ENTHD1: variants seen among roughly 807,000 people sequenced by gnomAD.
ENTHD1 encodes the protein ENTH domain containing 1, also known as ENTH domain-containing protein 1.
ENTHD1 carries 23 observed loss-of-function variants against 39.1 expected under a neutral mutation model. That is an observed-to-expected ratio of 0.59 (90% CI 0.42 to 0.83). The LOEUF (loss-of-function observed/expected upper bound fraction) is 0.83, where lower values mean the gene tolerates loss of function less well. ENTHD1 is among the 40% of genes least tolerant of loss of function. The pLI, the probability that ENTHD1 is intolerant of heterozygous loss-of-function variation, is 0.00. For synonymous variants in ENTHD1, 230 were observed against 258.2 expected (o/e 0.89, Z 1.05); for missense variants, 624 against 705.4 (o/e 0.88, Z 1.31).
rs137943 is a variant in ENTHD1 at position 39,869,983 on chromosome 22, C to CTTTATTTATTTA, written c.350-7988_350-7977dup. On this transcript the variant is annotated intron_variant, in intron 2 of 6. Coordinates refer to ENST00000325157, the MANE Select transcript of ENTHD1 (RefSeq NM_152512.4). ...TAGATTTGGTAATTGGAGAACAGTA[C>CTTTATTTATTTA]TTTATTTATTTATTTATTTATTTAT... Among the ~76,000 whole-genome samples the CTTTATTTATTTA allele has an allele frequency of 7.3e-3, 1,034 of 140,690 alleles. 7 individuals are homozygous for CTTTATTTATTTA. Among genetic ancestry groups the CTTTATTTATTTA allele is most frequent in the Middle Eastern group, 0.018 (5 of 282 alleles). The allele number at this position is 140,690 out of a possible 152,430, so 92.3% of individuals were successfully genotyped here. A position where few individuals can be genotyped will look rare whatever the true frequency, so the allele number is the denominator to read the frequency against.
chr22:39,884,075 G>T (rs1026108298), intron 2 of ENTHD1, among the ~76,000 whole-genome samples: 1 of 152,052 alleles, frequency 6.6e-6, no homozygotes, highest in Non-Finnish European at 1.5e-5. Flanking sequence ...AAGACATCCT[G>T]TGTACAAAGA....
At chr22:39,775,581 C>T (rs2065359544) in intron 5 of ENTHD1, among the ~76,000 whole-genome samples, 1 of 152,188 alleles carries the variant, frequency 6.6e-6, no homozygotes, top group African/African-American at 2.4e-5. Context: ...GAATCAGCTG[C>T]ACCAGGTTTT....
intron 2 of ENTHD1, among the ~76,000 whole-genome samples, chr22:39,864,807 G>A (rs750172222): frequency 3.3e-5 from 5 of 152,118 alleles, no homozygotes; most frequent in Non-Finnish European, 5.9e-5. Context: ...GATGATAATC[G>A]CTTGAACCCA....
At chr22:39,756,881 A>G (rs1224900606) in intron 6 of ENTHD1, among the ~76,000 whole-genome samples, 1 of 152,216 alleles carries the variant, frequency 6.6e-6, no homozygotes, top group Non-Finnish European at 1.5e-5. Flanking sequence ...TGATTACTAT[A>G]GCTTTACCGT....
chr22:39,826,174 G>T (rs966501353), intron 4 of ENTHD1, among the ~76,000 whole-genome samples: 1 of 152,104 alleles, frequency 6.6e-6, no homozygotes, highest in African/African-American at 2.4e-5. Context: ...TGCCTGGCCC[G>T]TAAGTATAAA....
chr22:39,870,335 T>C (rs1049429393), intron 2 of ENTHD1, among the ~76,000 whole-genome samples: 2 of 151,862 alleles, frequency 1.3e-5, no homozygotes, highest in Admixed American at 6.6e-5. Context: ...TAAGGAATTC[T>C]CCCAAAATAC....
intron 2 of ENTHD1, among the ~76,000 whole-genome samples, chr22:39,882,439 A>G (rs1419109949): frequency 6.6e-6 from 1 of 152,200 alleles, no homozygotes; most frequent in Non-Finnish European, 1.5e-5. Context: ...ATAAGCACAG[A>G]AATGTCTAAG....
At chr22:39,816,591 C>T (rs982376495) in intron 5 of ENTHD1, among the ~76,000 whole-genome samples, 3 of 152,094 alleles carry the variant, frequency 2.0e-5, no homozygotes, top group African/African-American at 7.2e-5. Context: ...AGAAAAATGG[C>T]CTAGTCAATA....
chr22:39,762,771 G>T (rs985850989), intron 6 of ENTHD1, among the ~76,000 whole-genome samples: 11 of 152,076 alleles, frequency 7.2e-5, no homozygotes, highest in Non-Finnish European at 1.5e-4. Context: ...TTTTAAAATA[G>T]ATACTAGTAT....
chr22:39,862,031 T>C, intron 2 of ENTHD1, 24 bp from the exon 3 acceptor site: 1 of 1,434,198 alleles, frequency 7.0e-7, no homozygotes, highest in East Asian at 2.4e-5. Context: ...TGACTCTGCT[T>C]AGAAAAGGAA....
chr22:39,808,178 G>A (rs2065658831), intron 5 of ENTHD1, among the ~76,000 whole-genome samples: 1 of 151,724 alleles, frequency 6.6e-6, no homozygotes, highest in Admixed American at 6.6e-5. Flanking sequence ...ATGAGTGTTG[G>A]CTACTGCTAC....
chr22:39,800,656 C>A (rs926064828), intron 5 of ENTHD1, among the ~76,000 whole-genome samples: 13 of 152,204 alleles, frequency 8.5e-5, no homozygotes, highest in African/African-American at 3.1e-4. Context: ...TTCAGGCAAA[C>A]CTGCCTTTGG....
At position 39,776,054 on chromosome 22, in the gene ENTHD1, AT is replaced by A. The variant is rs112208046; in HGVS notation, c.833-10446del. Among the ~76,000 whole-genome samples, 1,450 of 146,298 alleles carry A rather than the reference AT, an allele frequency of 9.9e-3. 11 individuals carry two copies. The highest frequency in any genetic ancestry group is 0.018 in the East Asian group (88 of 5,012). On this transcript the variant is annotated intron_variant, in intron 5 of 6. Coordinates refer to ENST00000325157, the MANE Select transcript of ENTHD1 (RefSeq NM_152512.4). ...AGGCACATGCCACCACATCTGGTTA[AT>A]TTTTTTTTTTTAATTAGTTGTAGAG...
chr22:39,795,760 C>T (rs1189166768), intron 5 of ENTHD1, among the ~76,000 whole-genome samples: 1 of 151,996 alleles, frequency 6.6e-6, no homozygotes, highest in Non-Finnish European at 1.5e-5. Flanking sequence ...AATATTGTTA[C>T]TCACTATCAG....
chr22:39,756,726 A>T (rs1167721207), intron 6 of ENTHD1, among the ~76,000 whole-genome samples: 2 of 152,216 alleles, frequency 1.3e-5, no homozygotes, highest in Non-Finnish European at 2.9e-5. Context: ...CTGGAGGAAA[A>T]TATTATTCTA....
intron 3 of ENTHD1, among the ~76,000 whole-genome samples, chr22:39,848,643 T>C (rs1017675063): frequency 6.6e-6 from 1 of 152,114 alleles, no homozygotes; most frequent in Non-Finnish European, 1.5e-5. Context: ...ATGGGGGTGG[T>C]AATTCATCAT....
At chr22:39,843,516 C>T (rs1292727510) in intron 3 of ENTHD1, among the ~76,000 whole-genome samples, 11 of 151,218 alleles carry the variant, frequency 7.3e-5, no homozygotes, top group Non-Finnish European at 1.3e-4. Flanking sequence ...TGCTAGATGA[C>T]GAGTTAGTGG....
intron 5 of ENTHD1, among the ~76,000 whole-genome samples, chr22:39,787,288 T>C (rs539936097): frequency 1.3e-5 from 2 of 152,276 alleles, no homozygotes; most frequent in East Asian, 3.9e-4. Flanking sequence ...CCAGCCTCCC[T>C]ATTCCCTGAG....
chr22:39,797,003 CT>C (rs2065555721), intron 5 of ENTHD1, among the ~76,000 whole-genome samples: 1 of 152,112 alleles, frequency 6.6e-6, no homozygotes, highest in Non-Finnish European at 1.5e-5. Context: ...CCTATCTCAC[CT>C]TTTAGATTTA....
Sources: allele counts gnomAD v4.1 joint callset (sites outside exome capture counted in the v4.1 genomes callset), GRCh38; gene constraint gnomAD v4.1.1; transcripts MANE v1.5; gene names NCBI Gene and HGNC (gene_info 2026-07-23, HGNC 2026-07-21).